Variants in SCFD2 observed in about 807,000 individuals in gnomAD.
SCFD2 encodes the protein sec1 family domain containing 2.
SCFD2 carries 54 observed loss-of-function variants against 58.9 expected under a neutral mutation model. The observed-to-expected ratio is 0.92, with a 90% CI of 0.74 to 1.15. The LOEUF is 1.15. Among genes scored for constraint, SCFD2 ranks in the 50% most tolerant of loss-of-function variants. The pLI is 0.00. For missense variants in SCFD2, 805 were observed against 836.6 expected, an observed-to-expected ratio of 0.96 and a Z score of 0.47; for synonymous variants, 321 against 335.9, an observed-to-expected ratio of 0.96 and a Z score of 0.49.
chr4:52,983,807 G>T (rs943621055), intron 5 of SCFD2, among the ~76,000 whole-genome samples: 13 of 152,138 alleles, frequency 8.5e-5, no homozygotes, highest in African/African-American at 3.1e-4. Context: ...CTCCTTTCTC[G>T]TGTTGGTTTC....
chr4:53,245,723 T>C (rs773545523), intron 4 of SCFD2, among the ~76,000 whole-genome samples: 1 of 152,130 alleles, frequency 6.6e-6, no homozygotes, highest in Admixed American at 6.5e-5. Context: ...GGACCATCTA[T>C]GCCAAATCAC....
intron 6 of SCFD2, among the ~76,000 whole-genome samples, chr4:52,918,779 G>A (rs1195745064): frequency 1.3e-5 from 2 of 152,130 alleles, no homozygotes; most frequent in African/African-American, 2.4e-5. Context: ...ATGGACCTCT[G>A]TTTCAGTTGA....
At chr4:53,311,332 G>C (rs959655209) in intron 3 of SCFD2, among the ~76,000 whole-genome samples, 2 of 151,808 alleles carry the variant, frequency 1.3e-5, no homozygotes, top group African/African-American at 4.8e-5. Flanking sequence ...CCCCTATCTA[G>C]AGTTGTGGAA....
chr4:52,875,730 G>A (rs983649369), intron 8 of SCFD2, among the ~76,000 whole-genome samples: 10 of 146,312 alleles, frequency 6.8e-5, no homozygotes, highest in African/African-American at 2.3e-4. Flanking sequence ...AACCTTATGA[G>A]AAAGTTTTCT....
intron 1 of SCFD2, among the ~76,000 whole-genome samples, chr4:53,358,479 G>T (rs891993877): frequency 4.6e-5 from 7 of 151,652 alleles, no homozygotes; most frequent in African/African-American, 1.5e-4. Flanking sequence ...TTTGAACCTG[G>T]AAGGTGAAGG....
intron 5 of SCFD2, among the ~76,000 whole-genome samples, chr4:53,023,214 T>C (rs1722391868): frequency 6.6e-6 from 1 of 152,164 alleles, no homozygotes; most frequent in Non-Finnish European, 1.5e-5. Flanking sequence ...CTACATCTCA[T>C]TCCTTCATTC....
chr4:52,880,646 G>GA (rs985753380), intron 8 of SCFD2, among the ~76,000 whole-genome samples: 2 of 151,100 alleles, frequency 1.3e-5, no homozygotes, highest in African/African-American at 2.4e-5. Flanking sequence ...AAGAAAAAAA[G>GA]AAAAAAAAGT....
chr4:53,324,036 G>A (rs1382666839), intron 2 of SCFD2, among the ~76,000 whole-genome samples: 1 of 152,076 alleles, frequency 6.6e-6, no homozygotes, highest in African/African-American at 2.4e-5. Context: ...GCAAAGTTAG[G>A]AAGGCATTGA....
chr4:53,332,644 C>T (rs1733522225), intron 2 of SCFD2, among the ~76,000 whole-genome samples: 1 of 152,118 alleles, frequency 6.6e-6, no homozygotes, highest in Admixed American at 6.5e-5. Flanking sequence ...CAATATCATA[C>T]TGAATGGGCA....
intron 4 of SCFD2, among the ~76,000 whole-genome samples, chr4:53,198,884 T>C (rs1174648102): frequency 6.6e-6 from 1 of 152,120 alleles, no homozygotes; most frequent in Admixed American, 6.6e-5. Flanking sequence ...CAGCATACAT[T>C]TGAGTTGCCA....
At chr4:53,274,087 T>C (rs556866489) in intron 3 of SCFD2, 86 bp from the exon 4 acceptor site, 2 of 1,177,484 alleles carry the variant, frequency 1.7e-6, no homozygotes, top group East Asian at 2.5e-5. Flanking sequence ...ACCACTGTCT[T>C]GTATTTGGGC....
Position 53,119,827 on chromosome 4 carries a change from T to C in SCFD2, c.1561+25506A>G, listed in dbSNP as rs140696847. 2.6e-3 allele frequency among the ~76,000 whole-genome samples: 395 copies of C among 152,312 alleles called. 2 individuals are homozygous for C. The highest frequency in any genetic ancestry group is 4.3e-3 in the Non-Finnish European group (291 of 68,026). On this transcript the variant is annotated intron_variant, in intron 5 of 8. Transcript: ENST00000401642. ...GCAGTGACATCACACCACATTCCAA[T>C]GCTGGCCTCTCACTACAAGGAGCTC...
intron 4 of SCFD2, among the ~76,000 whole-genome samples, chr4:53,213,800 C>A (rs1196165545): frequency 6.6e-6 from 1 of 152,076 alleles, no homozygotes; most frequent in Non-Finnish European, 1.5e-5. Flanking sequence ...TTCTATCCCT[C>A]CCTCCTCCCA....
Position 53,313,702 on chromosome 4 carries a change from T to C in SCFD2, c.1069A>G (p.Met357Val). The part of the protein sequence containing the change: ...LLNTKHKEAV[M>V]EVRRHLVEAA... The stretch of plus-strand genomic sequence containing the variant: ...TCCACTAGATGTCTCCGAACTTCCA[T>C]CACTGCCTCTTTGTGCTTAGTGTTC... Residue 357 changes from methionine to valine, a missense_variant, in exon 3 of 9, where the codon ATG becomes GTG. Transcript: ENST00000401642. 1 of 1,614,108 alleles carries C rather than the reference T, an allele frequency of 6.2e-7. No individual in the cohort carries two copies. Among genetic ancestry groups the C allele is most frequent in the Non-Finnish European group, 8.5e-7 (1 of 1,179,958 alleles).
chr4:53,234,325 G>C (rs1247702345), intron 4 of SCFD2, among the ~76,000 whole-genome samples: 1 of 152,164 alleles, frequency 6.6e-6, no homozygotes, highest in Non-Finnish European at 1.5e-5. Flanking sequence ...ACCTCTCTTG[G>C]CAAAGAACTT....
chr4:53,188,181 T>A (rs1727789910), intron 4 of SCFD2, among the ~76,000 whole-genome samples: 1 of 152,148 alleles, frequency 6.6e-6, no homozygotes, highest in African/African-American at 2.4e-5. Flanking sequence ...TCATGCTTAC[T>A]CAGCAGCAAA....
chr4:53,238,917 T>C (rs1729787832), intron 4 of SCFD2, among the ~76,000 whole-genome samples: 1 of 128,126 alleles, frequency 7.8e-6, no homozygotes, highest in Non-Finnish European at 1.7e-5. Flanking sequence ...TCCCAGATGA[T>C]GGGCGGCCAG....
At chr4:53,027,431 C>T (rs987797210) in intron 5 of SCFD2, among the ~76,000 whole-genome samples, 7 of 152,200 alleles carry the variant, frequency 4.6e-5, no homozygotes, top group Non-Finnish European at 8.8e-5. Flanking sequence ...TCTATAACTC[C>T]ACCTACTCTT....
At chr4:52,883,902 G>A (rs889553104) in intron 8 of SCFD2, among the ~76,000 whole-genome samples, 3 of 152,170 alleles carry the variant, frequency 2.0e-5, no homozygotes, top group Non-Finnish European at 4.4e-5. Context: ...CCACTCCCCT[G>A]CTCAAGAGTC....
Sources: gnomAD v4.1 joint callset for allele counts (sites outside exome capture counted in the v4.1 genomes callset) on GRCh38, gnomAD v4.1.1 for gene constraint, MANE v1.5 for transcripts, NCBI Gene and HGNC (gene_info 2026-07-23, HGNC 2026-07-21) for gene names.